The following CSMD3 variants were observed in gnomAD, a reference collection of about 807,000 sequenced individuals.
The protein encoded by CSMD3 is CUB and sushi domain-containing protein 3.
In CSMD3, 177 loss-of-function variants were observed where a neutral mutation model predicts 435.2. The observed-to-expected ratio is 0.41, with a 90% CI of 0.36 to 0.46. The LOEUF is 0.46. CSMD3 is among the 20% of genes least tolerant of loss of function. The pLI is 0.34. For missense variants in CSMD3, 4,265 were observed against 4,504.6 expected (o/e 0.95, Z 1.52); for synonymous variants, 1,656 against 1,520.5 (o/e 1.09, Z -2.07).
chr8:112,669,731 G>C (rs1360404174), intron 16 of CSMD3, among the ~76,000 whole-genome samples: 1 of 152,070 alleles, frequency 6.6e-6, no homozygotes, highest in African/African-American at 2.4e-5. Flanking sequence ...TTGTCTGACA[G>C]GTGTGTGCCT....
chr8:112,548,408 T>C (rs888571442), intron 27 of CSMD3, among the ~76,000 whole-genome samples: 1 of 152,170 alleles, frequency 6.6e-6, no homozygotes, highest in Non-Finnish European at 1.5e-5. Flanking sequence ...TTAATGCATG[T>C]ATCTAGAATA....
At chr8:112,888,026 AAAC>A (rs2081661294) in intron 10 of CSMD3, among the ~76,000 whole-genome samples, 1 of 151,706 alleles carries the variant, frequency 6.6e-6, no homozygotes, top group Non-Finnish European at 1.5e-5. Context: ...CATAGAACAG[AAAC>A]AACAACAAAA....
At chr8:112,588,910 T>C (rs1216707917) in intron 22 of CSMD3, among the ~76,000 whole-genome samples, 4 of 152,006 alleles carry the variant, frequency 2.6e-5, no homozygotes. Context: ...TTCTACTAGG[T>C]TTTTGGAATA....
At chr8:112,311,509 C>T (rs1341380127) in intron 49 of CSMD3, among the ~76,000 whole-genome samples, 1 of 152,152 alleles carries the variant, frequency 6.6e-6, no homozygotes, top group East Asian at 1.9e-4. Context: ...TTTGAGGGAC[C>T]TATATGCCAC....
chr8:112,913,774 A>AT (rs1443283703), intron 10 of CSMD3, among the ~76,000 whole-genome samples: 1 of 149,400 alleles, frequency 6.7e-6, no homozygotes, highest in Non-Finnish European at 1.5e-5. Flanking sequence ...AATGTCTTAC[A>AT]TTTTTCAATC....
chr8:112,320,294 C>T (rs962628529), intron 45 of CSMD3, among the ~76,000 whole-genome samples: 15 of 151,966 alleles, frequency 9.9e-5, no homozygotes, highest in African/African-American at 3.4e-4. Context: ...TTCATGTTTG[C>T]TTACTTGCTC....
At chr8:112,237,100 C>A (rs1351095331) in intron 67 of CSMD3, 90 bp downstream of exon 67, 38 of 1,391,392 alleles carry the variant, frequency 2.7e-5, no homozygotes, top group Non-Finnish European at 3.4e-5. Flanking sequence ...ATAAACATTT[C>A]ACCATATAAA....
At chr8:112,846,971 AC>A (rs1185380501) in intron 11 of CSMD3, among the ~76,000 whole-genome samples, 1 of 151,914 alleles carries the variant, frequency 6.6e-6, no homozygotes, top group African/African-American at 2.4e-5. Context: ...GACCAGAGCT[AC>A]TTTTCTTGGC....
intron 20 of CSMD3, among the ~76,000 whole-genome samples, chr8:112,640,907 T>G (rs1233140972): frequency 6.6e-6 from 1 of 152,172 alleles, no homozygotes; most frequent in African/African-American, 2.4e-5. Context: ...GTATACTATA[T>G]TATTTTTATT....
At chr8:113,262,706 A>G (rs1211744943) in intron 3 of CSMD3, among the ~76,000 whole-genome samples, 4 of 152,182 alleles carry the variant, frequency 2.6e-5, no homozygotes, top group African/African-American at 9.6e-5. Flanking sequence ...AACGTAAGAA[A>G]ATTTTCCAGT....
At chr8:112,262,860 G>A (rs919029588) in intron 61 of CSMD3, among the ~76,000 whole-genome samples, 1 of 152,082 alleles carries the variant, frequency 6.6e-6, no homozygotes, top group Non-Finnish European at 1.5e-5. Flanking sequence ...TTTGAATGAG[G>A]TGAGAAAACC....
intron 1 of CSMD3, among the ~76,000 whole-genome samples, chr8:113,344,704 T>G (rs952740090): frequency 6.6e-6 from 1 of 152,180 alleles, no homozygotes; most frequent in Non-Finnish European, 1.5e-5. Context: ...CACAGTTTCA[T>G]ATTCCAGCAA....
chr8:112,657,879 T>C (rs887257101), intron 17 of CSMD3, among the ~76,000 whole-genome samples: 18 of 152,224 alleles, frequency 1.2e-4, no homozygotes, highest in Admixed American at 8.5e-4. Flanking sequence ...GTGATACTAA[T>C]CACAGTAGTG....
At chr8:112,741,548 G>A (rs879682109) in intron 13 of CSMD3, among the ~76,000 whole-genome samples, 10 of 151,778 alleles carry the variant, frequency 6.6e-5, no homozygotes, top group Admixed American at 1.3e-4. Context: ...ATGGAAAACC[G>A]CCCAAAGGGC....
chr8:112,445,235 G>A (rs1393755115), intron 32 of CSMD3, among the ~76,000 whole-genome samples: 2 of 152,056 alleles, frequency 1.3e-5, no homozygotes, highest in Admixed American at 6.6e-5. Context: ...AGAGTGGAGT[G>A]TGGAGACTCA....
chr8:112,422,660 C>T (rs1247336747), intron 32 of CSMD3, among the ~76,000 whole-genome samples: 1 of 152,122 alleles, frequency 6.6e-6, no homozygotes, highest in Non-Finnish European at 1.5e-5. Flanking sequence ...AAGCATCTTG[C>T]CCAGTAGGTA....
intron 9 of CSMD3, among the ~76,000 whole-genome samples, chr8:112,940,835 A>C (rs1299162990): frequency 6.6e-6 from 1 of 151,866 alleles, no homozygotes; most frequent in Non-Finnish European, 1.5e-5. Context: ...GCCATTTACT[A>C]ATACGATGAA....
chr8:112,472,728 T>C (rs755400786), intron 31 of CSMD3, 21 bp from the exon 32 acceptor site: 2 of 1,347,648 alleles, frequency 1.5e-6, no homozygotes, highest in South Asian at 2.3e-5. Context: ...ATGGCAAAAA[T>C]ATCATTTTTA....
At chr8:112,277,613 G>C (rs892229477) in intron 59 of CSMD3, among the ~76,000 whole-genome samples, 3 of 152,174 alleles carry the variant, frequency 2.0e-5, no homozygotes, top group Middle Eastern at 3.4e-3. Flanking sequence ...GCACCCAACT[G>C]CCAGTACCAA....
Sources: allele counts gnomAD v4.1 joint callset (sites outside exome capture counted in the v4.1 genomes callset), GRCh38; gene constraint gnomAD v4.1.1; transcripts MANE v1.5; gene names NCBI Gene and HGNC (gene_info 2026-07-23, HGNC 2026-07-21).